UGGT2: variants seen among roughly 807,000 people sequenced by gnomAD.
UGGT2 encodes the protein UDP-glucose glycoprotein glucosyltransferase 2.
A neutral mutation model predicts 192.1 loss-of-function variants in UGGT2; 180 were observed. The ratio of observed to expected loss-of-function variants is 0.94; its 90% CI spans 0.83 to 1.06. The LOEUF is 1.06. UGGT2 is among the 50% of genes least tolerant of loss of function. The probability of loss-of-function intolerance (pLI) is 0.00; values close to 1 mark genes in which losing one functional copy is unlikely to be tolerated. For synonymous variants in UGGT2, 580 were observed against 591.0 expected, an observed-to-expected ratio of 0.98 and a Z score of 0.27; for missense variants, 1,849 against 1,795.7, an observed-to-expected ratio of 1.03 and a Z score of -0.54.
At chr13:95,830,553 G>A (rs750797163) in intron 38 of UGGT2, among the ~76,000 whole-genome samples, 6 of 152,154 alleles carry the variant, frequency 3.9e-5, no homozygotes, top group Non-Finnish European at 8.8e-5. Flanking sequence ...GGTCATTAGA[G>A]AAATGCAAAT....
chr13:96,018,856 T>G (rs1594584027), intron 4 of UGGT2, among the ~76,000 whole-genome samples: 1 of 151,734 alleles, frequency 6.6e-6, no homozygotes, highest in Non-Finnish European at 1.5e-5. Context: ...TATCAGTCAT[T>G]TCTTTAAAAA....
intron 31 of UGGT2, 191 bp downstream of exon 31, chr13:95,863,438 T>A: frequency 2.0e-6 from 1 of 511,812 alleles, no homozygotes; most frequent in East Asian, 3.0e-5. Context: ...GTTTGTATAG[T>A]ATTTTATTTT....
intron 29 of UGGT2, among the ~76,000 whole-genome samples, chr13:95,871,916 C>T (rs1477242175): frequency 6.6e-6 from 1 of 152,154 alleles, no homozygotes; most frequent in Non-Finnish European, 1.5e-5. Flanking sequence ...TGGACCAACT[C>T]GAGTACCTGC....
intron 10 of UGGT2, among the ~76,000 whole-genome samples, chr13:95,980,481 A>G (rs1233086093): frequency 6.6e-6 from 1 of 152,150 alleles, no homozygotes; most frequent in African/African-American, 2.4e-5. Flanking sequence ...AAGAGATCAA[A>G]GACTACACAT....
At chr13:95,985,795 T>C (rs571430954) in intron 9 of UGGT2, among the ~76,000 whole-genome samples, 28 of 152,256 alleles carry the variant, frequency 1.8e-4, no homozygotes, top group Non-Finnish European at 2.8e-4. Flanking sequence ...GTATTTCCTA[T>C]TGAAATGGAA....
At chr13:96,036,961 A>C (rs1476227828) in intron 1 of UGGT2, among the ~76,000 whole-genome samples, 1 of 152,182 alleles carries the variant, frequency 6.6e-6, no homozygotes, top group Non-Finnish European at 1.5e-5. Context: ...ACAAGCTGGC[A>C]TTTGCAATTG....
chr13:96,024,266 T>A (rs900540340), intron 2 of UGGT2, among the ~76,000 whole-genome samples: 1 of 152,204 alleles, frequency 6.6e-6, no homozygotes, highest in Non-Finnish European at 1.5e-5. Flanking sequence ...TCATCTTGTC[T>A]GGAACTTGAA....
chr13:95,922,394 C>G (rs2048873901), intron 20 of UGGT2, among the ~76,000 whole-genome samples: 1 of 152,142 alleles, frequency 6.6e-6, no homozygotes, highest in Non-Finnish European at 1.5e-5. Flanking sequence ...ATTAGAAGCT[C>G]CAGCCTCAGC....
At chr13:95,836,498 TA>T (rs1313106896) in intron 37 of UGGT2, among the ~76,000 whole-genome samples, 2 of 152,208 alleles carry the variant, frequency 1.3e-5, no homozygotes, top group African/African-American at 4.8e-5. Context: ...ACCATTCCTT[TA>T]TAAGAGTAAC....
chr13:95,901,684 C>G (rs558073364), intron 21 of UGGT2, among the ~76,000 whole-genome samples: 1 of 152,184 alleles, frequency 6.6e-6, no homozygotes, highest in African/African-American at 2.4e-5. Context: ...TATGGTTATG[C>G]GGCTTTCAAA....
intron 36 of UGGT2, among the ~76,000 whole-genome samples, chr13:95,852,657 A>T (rs1241838523): frequency 1.3e-5 from 2 of 152,226 alleles, no homozygotes; most frequent in Non-Finnish European, 2.9e-5. Context: ...TGATAAAAAT[A>T]AGAAAAAAGA....
At chr13:96,004,925 G>A (rs1476045111) in intron 5 of UGGT2, among the ~76,000 whole-genome samples, 1 of 151,912 alleles carries the variant, frequency 6.6e-6, no homozygotes, top group Admixed American at 6.6e-5. Flanking sequence ...CCCAACCAAT[G>A]TGCCAGATCT....
rs750017130 is a variant in UGGT2, at chr13:95,894,583, G to A, written c.2834C>T (p.Thr945Ile). 7 of 1,609,518 alleles carry A rather than the reference G, an allele frequency of 4.3e-6. No homozygotes were observed. In the South Asian group the frequency reaches 7.7e-5, roughly 18 times the overall value. ...VPKRASRYDV[T>I]FLRENHSVIK... is the part of the protein sequence containing the mutation. Reference sequence around the variant, plus strand: ...TTACCTGTGATTCTCCCTAAGAAATGTGACATCATATCGAGATGCACGCTT... The same window carrying A: ...TTACCTGTGATTCTCCCTAAGAAATATGACATCATATCGAGATGCACGCTT... The change falls in exon 24 of 39, where the codon ACA (threonine) becomes ATA (isoleucine). Residue 945 changes from threonine to isoleucine, a missense_variant. Coordinates refer to ENST00000376747, the MANE Select transcript of UGGT2 (RefSeq NM_020121.4).
At chr13:95,938,721 C>T (rs948198438) in intron 16 of UGGT2, among the ~76,000 whole-genome samples, 15 of 152,162 alleles carry the variant, frequency 9.9e-5, no homozygotes, top group Non-Finnish European at 2.1e-4. Flanking sequence ...ATCAACACTA[C>T]CAGTTAGTTG....
intron 38 of UGGT2, among the ~76,000 whole-genome samples, chr13:95,823,272 A>G (rs1333692919): frequency 6.6e-6 from 1 of 152,090 alleles, no homozygotes; most frequent in Admixed American, 6.6e-5. Flanking sequence ...AATGTTCTGT[A>G]AACTTCTGCT....
At chr13:95,921,193 G>C (rs1000077971) in intron 20 of UGGT2, among the ~76,000 whole-genome samples, 4 of 152,020 alleles carry the variant, frequency 2.6e-5, no homozygotes, top group African/African-American at 9.7e-5. Flanking sequence ...TGGTCTGTTG[G>C]GGGTAGGGGG....
At chr13:95,998,764 C>G (rs918785221) in intron 6 of UGGT2, among the ~76,000 whole-genome samples, 3 of 152,030 alleles carry the variant, frequency 2.0e-5, no homozygotes, top group African/African-American at 7.2e-5. Context: ...TCATAGGACT[C>G]TCTCATCCTG....
intron 10 of UGGT2, among the ~76,000 whole-genome samples, chr13:95,976,835 C>T (rs1286735051): frequency 1.3e-5 from 2 of 152,144 alleles, no homozygotes; most frequent in Non-Finnish European, 1.5e-5. Flanking sequence ...CCGCATGGTA[C>T]TGGTACCAAA....
intron 13 of UGGT2, among the ~76,000 whole-genome samples, chr13:95,948,679 CT>C (rs2140606728): frequency 6.6e-6 from 1 of 152,042 alleles, no homozygotes; most frequent in East Asian, 1.9e-4. Context: ...ATCATTAGTT[CT>C]TTTTAATAAA....
Sources: gnomAD v4.1 joint callset for allele counts (sites outside exome capture counted in the v4.1 genomes callset) on GRCh38, gnomAD v4.1.1 for gene constraint, MANE v1.5 for transcripts, NCBI Gene and HGNC (gene_info 2026-07-23, HGNC 2026-07-21) for gene names.